Variants in PLCH1 observed in about 807,000 individuals in gnomAD.
PLCH1 encodes phospholipase C eta 1, also known as 1-phosphatidylinositol 4,5-bisphosphate phosphodiesterase eta-1.
PLCH1 carries 60 observed loss-of-function variants against 126.7 expected under a neutral mutation model. That is an observed-to-expected ratio of 0.47 (90% CI 0.38 to 0.59). The LOEUF (loss-of-function observed/expected upper bound fraction) is 0.59. PLCH1 is among the 20% of genes least tolerant of loss of function. PLCH1 has a pLI of 0.00. For missense variants in PLCH1, 1,723 were observed against 2,040.0 expected (o/e 0.84, Z 2.99); for synonymous variants, 719 against 734.9 (o/e 0.98, Z 0.35).
chr3:155,727,887 A>G (rs1748462011), intron 1 of PLCH1, among the ~76,000 whole-genome samples: 1 of 149,684 alleles, frequency 6.7e-6, no homozygotes, highest in Non-Finnish European at 1.5e-5. Context: ...AAATACGGTG[A>G]TTTTGTTTCT....
chr3:155,478,965 T>G (rs1407942094), downstream of PLCH1, among the ~76,000 whole-genome samples: 1 of 152,166 alleles, frequency 6.6e-6, no homozygotes, highest in Non-Finnish European at 1.5e-5. Context: ...TCTAACACCT[T>G]AAATATTTGT....
intron 2 of PLCH1, among the ~76,000 whole-genome samples, chr3:155,680,157 G>A (rs554958881): frequency 6.6e-6 from 1 of 152,270 alleles, no homozygotes; most frequent in South Asian, 2.1e-4. Context: ...GGCTGAGGAG[G>A]GCAGATCACA....
At chr3:155,619,498 T>TTAAAAAAAAAAAAAAAAAAAAAAAAAAA (rs200522384) in intron 2 of PLCH1, among the ~76,000 whole-genome samples, 2 of 133,520 alleles carry the variant, frequency 1.5e-5, no homozygotes, top group South Asian at 2.3e-4. Context: ...ACAGAAAAAG[T>TTAAAAAAAAAAAAAAAAAAAAAAAAAAA]AAAAAAAAAA....
chr3:155,578,231 T>C (rs1730227292), intron 6 of PLCH1, among the ~76,000 whole-genome samples: 1 of 152,234 alleles, frequency 6.6e-6, no homozygotes, highest in Non-Finnish European at 1.5e-5. Context: ...AATTCCCTTT[T>C]TCTACCTGTC....
chr3:155,706,998 A>G (rs1746728140), intron 1 of PLCH1, among the ~76,000 whole-genome samples: 1 of 152,156 alleles, frequency 6.6e-6, no homozygotes, highest in African/African-American at 2.4e-5. Flanking sequence ...TGATAGTATT[A>G]GGAGGTGGGA....
At chr3:155,743,959 T>C (rs916371085) in intron 1 of PLCH1, among the ~76,000 whole-genome samples, 5 of 152,164 alleles carry the variant, frequency 3.3e-5, no homozygotes, top group African/African-American at 1.2e-4. Flanking sequence ...CTCTCACCAT[T>C]TTCTTCTGTC....
Position 155,481,796 on chromosome 3 carries a change from A to G in PLCH1, c.4230T>C (p.Pro1410=). ...YCKETLRPSV[P]EIFNNIQDVK... ...CATCTTGAATATTGTTGAATATTTC[A>G]GGGACAGAAGGGCGGAGGGTCTCTT... The change falls in exon 23 of 23, where the codon CCT becomes CCC. Residue 1410 remains proline, a synonymous_variant. Coordinates refer to ENST00000460012, the MANE Select transcript of PLCH1 (RefSeq NM_014996.4). The surrounding 1 kb of genome is among the most constrained non-coding windows in gnomAD (Gnocchi z 4.2). 1 of 1,614,128 alleles carries G rather than the reference A, an allele frequency of 6.2e-7. No individual in the cohort carries two copies. The highest frequency in any genetic ancestry group is 8.5e-7 in the Non-Finnish European group (1 of 1,179,962).
At chr3:155,557,767 C>G (rs1727023369) in intron 8 of PLCH1, among the ~76,000 whole-genome samples, 1 of 152,166 alleles carries the variant, frequency 6.6e-6, no homozygotes, top group Non-Finnish European at 1.5e-5. Context: ...AGCAAAGCAA[C>G]TCCAACAAAG....
intron 10 of PLCH1, among the ~76,000 whole-genome samples, chr3:155,530,266 A>G (rs987525733): frequency 6.6e-6 from 1 of 152,048 alleles, no homozygotes; most frequent in African/African-American, 2.4e-5. Context: ...GCTTATTCAT[A>G]TAAGTAATTC....
intron 2 of PLCH1, among the ~76,000 whole-genome samples, chr3:155,627,800 C>G (rs1334560833): frequency 6.7e-6 from 1 of 149,322 alleles, no homozygotes; most frequent in Non-Finnish European, 1.5e-5. Flanking sequence ...CAGAATCTCA[C>G]TCCATCGCCC....
chr3:155,534,041 T>C (rs1576933892), intron 10 of PLCH1, among the ~76,000 whole-genome samples: 1 of 152,156 alleles, frequency 6.6e-6, no homozygotes, highest in South Asian at 2.1e-4. Context: ...AAATGTGGAG[T>C]TGGAGGCCCC....
intron 21 of PLCH1, among the ~76,000 whole-genome samples, chr3:155,458,538 AAGAAAAAGAAAGAAAG>A (rs1286019255): frequency 2.1e-5 from 3 of 142,772 alleles, no homozygotes; most frequent in Non-Finnish European, 3.0e-5. Flanking sequence ...AAGAAAGAAA[AAGAAAAAGAAAGAAAG>A]AGAAAAAGAA....
rs563393680 is a variant in PLCH1 at position 155,676,220 on chromosome 3, G to T, written c.79+27926C>A. The stretch of plus-strand genomic sequence containing the variant: ...GGCATGATGAGATCTTCACAATTCA[G>T]GCTTTATAGTGTGGAGAAAATAAAT... On this transcript the variant is annotated intron_variant, in intron 2 of 22. Coordinates refer to ENST00000460012, the MANE Select transcript of PLCH1 (RefSeq NM_014996.4). The T allele has an allele frequency of 8.0e-6, 10 of 1,257,824 alleles. No individual in the cohort carries two copies. In the East Asian group the frequency reaches 2.8e-4, roughly 35 times the overall value. The allele number at this position is 1,257,824 out of a possible 1,614,324, so 77.9% of individuals were successfully genotyped here.
chr3:155,649,627 G>A (rs1417125040), intron 2 of PLCH1, among the ~76,000 whole-genome samples: 1 of 152,138 alleles, frequency 6.6e-6, no homozygotes, highest in Non-Finnish European at 1.5e-5. Flanking sequence ...CTCTGATTTG[G>A]ACTGTGATGA....
At chr3:155,494,920 T>C (rs973971453) in intron 15 of PLCH1, among the ~76,000 whole-genome samples, 4 of 152,148 alleles carry the variant, frequency 2.6e-5, no homozygotes, top group African/African-American at 9.7e-5. Context: ...TTCTTCCTGA[T>C]AACAGGAAGA....
intron 2 of PLCH1, among the ~76,000 whole-genome samples, chr3:155,599,122 A>G (rs564714051): frequency 6.0e-5 from 9 of 151,246 alleles, no homozygotes; most frequent in Non-Finnish European, 1.2e-4. Flanking sequence ...CTGATCTTAG[A>G]CTTTTCAGCA....
chr3:155,597,189 A>G (rs1215082698), intron 2 of PLCH1, among the ~76,000 whole-genome samples: 1 of 152,188 alleles, frequency 6.6e-6, no homozygotes, highest in Non-Finnish European at 1.5e-5. Flanking sequence ...TGGCCTGCCA[A>G]TCACCCCAGT....
At chr3:155,733,269 G>A (rs1446402061) in intron 1 of PLCH1, among the ~76,000 whole-genome samples, 1 of 152,078 alleles carries the variant, frequency 6.6e-6, no homozygotes, top group Non-Finnish European at 1.5e-5. Context: ...AAGCAATCTT[G>A]AACAAATAGA....
intron 21 of PLCH1, among the ~76,000 whole-genome samples, chr3:155,458,472 A>AAG (rs1370094399): frequency 9.1e-6 from 1 of 110,056 alleles, no homozygotes; most frequent in South Asian, 2.6e-4. Context: ...GAAAGAAAGA[A>AAG]AGAAAGAAAG....
Sources: allele counts gnomAD v4.1 joint callset (sites outside exome capture counted in the v4.1 genomes callset), GRCh38; gene constraint gnomAD v4.1.1; non-coding constraint Gnocchi (gnomAD v3.1); transcripts MANE v1.5; gene names NCBI Gene and HGNC (gene_info 2026-07-23, HGNC 2026-07-21).